The following SUMF1 variants were observed in gnomAD, a reference collection of about 807,000 sequenced individuals.
SUMF1 encodes the protein sulfatase modifying factor 1.
Under a neutral mutation model 47.6 loss-of-function variants are expected in SUMF1, and 48 were observed. The ratio of observed to expected loss-of-function variants is 1.01; its 90% CI spans 0.80 to 1.28. SUMF1 has a LOEUF of 1.28. Among genes scored for constraint, SUMF1 ranks in the 50% most tolerant of loss-of-function variants. The pLI, the probability that SUMF1 is intolerant of heterozygous loss-of-function variation, is 0.00. For missense variants in SUMF1, 571 were observed against 485.4 expected, an observed-to-expected ratio of 1.18 and a Z score of -1.66; for synonymous variants, 230 against 192.1, an observed-to-expected ratio of 1.20 and a Z score of -1.63.
intron 3 of SUMF1, among the ~76,000 whole-genome samples, chr3:4,446,259 GAGC>G (rs1432722116): frequency 5.3e-5 from 8 of 152,160 alleles, no homozygotes; most frequent in South Asian, 2.1e-4. Context: ...TGAATCATGG[GAGC>G]AGGTTTTCCT....
chr3:4,421,706 C>CAGTA (rs1701903106), intron 3 of SUMF1, among the ~76,000 whole-genome samples: 1 of 152,152 alleles, frequency 6.6e-6, no homozygotes, highest in South Asian at 2.1e-4. Flanking sequence ...TGGTCTTGAA[C>CAGTA]TACTGGGCTC....
Position 4,452,915 on chromosome 3 carries a change from T to C in SUMF1, c.405A>G (p.Glu135=), listed in dbSNP as rs2125133620. 1.9e-6 allele frequency: 3 copies of C among 1,614,222 alleles called. No homozygotes were observed. Among genetic ancestry groups the C allele is most frequent in the Non-Finnish European group, 2.5e-6 (3 of 1,180,040 alleles). Residue 135 remains glutamate (E), a synonymous_variant, in exon 2 of 9, where the codon GAA becomes GAG. Transcript: ENST00000272902. ...YMDAYEVSNT[E]FEKFVNSTGY... is the part of the protein sequence containing the mutation. ...CAGTTGAGTTCACAAACTTCTCAAA[T>C]TCAGTATTACTGACTTCATAGGCAT...
At chr3:4,323,036 A>G (rs1698869168) in intron 8 of SUMF1, among the ~76,000 whole-genome samples, 1 of 152,196 alleles carries the variant, frequency 6.6e-6, no homozygotes, top group African/African-American at 2.4e-5. Flanking sequence ...CATACAGTGA[A>G]ATATTATTTA....
intron 2 of SUMF1, 83 bp from the exon 3 acceptor site, chr3:4,449,423 A>G: frequency 7.5e-7 from 1 of 1,327,838 alleles, no homozygotes; most frequent in Non-Finnish European, 1.1e-6. Context: ...CACACTATTA[A>G]AGTGATTCCT....
chr3:4,146,412 G>T (rs76436862), intron 8 of SUMF1, among the ~76,000 whole-genome samples: 225 of 148,936 alleles, frequency 1.5e-3, no homozygotes, highest in African/African-American at 5.4e-3. Context: ...GCGAGGGGGG[G>T]AAAGGTGAAT....
At chr3:4,312,428 A>G (rs770137292) in intron 8 of SUMF1, among the ~76,000 whole-genome samples, 10 of 152,124 alleles carry the variant, frequency 6.6e-5, no homozygotes, top group Non-Finnish European at 1.0e-4. Context: ...TTGTCCTTAT[A>G]CATACATAAT....
At chr3:4,366,653 T>C (rs1699969897) in intron 8 of SUMF1, among the ~76,000 whole-genome samples, 1 of 152,138 alleles carries the variant, frequency 6.6e-6, no homozygotes, top group African/African-American at 2.4e-5. Flanking sequence ...TCTTTGCCTT[T>C]GGTTTGAATT....
At chr3:4,319,020 TC>T (rs1698760380) in intron 8 of SUMF1, among the ~76,000 whole-genome samples, 1 of 152,222 alleles carries the variant, frequency 6.6e-6, no homozygotes. Context: ...GTGCTCAACA[TC>T]ATTTGTCATC....
intron 8 of SUMF1, chr3:4,312,752 C>A: frequency 7.5e-6 from 6 of 799,126 alleles, no homozygotes; most frequent in East Asian, 6.1e-5. Flanking sequence ...TGTTTTTGGA[C>A]AATATCTTAG....
chr3:4,198,150 C>T (rs1695469310), intron 8 of SUMF1, among the ~76,000 whole-genome samples: 2 of 150,944 alleles, frequency 1.3e-5, no homozygotes, highest in Non-Finnish European at 2.9e-5. Flanking sequence ...GTATGTTTCT[C>T]TCCTATTCCT....
intron 1 of SUMF1, among the ~76,000 whole-genome samples, chr3:4,464,946 C>T (rs577126453): frequency 6.6e-6 from 1 of 152,276 alleles, no homozygotes; most frequent in South Asian, 2.1e-4. Flanking sequence ...AGTCAAGACA[C>T]AAAACCACTC....
chr3:4,130,568 G>A (rs143421336), intron 8 of SUMF1, among the ~76,000 whole-genome samples: 1 of 152,244 alleles, frequency 6.6e-6, no homozygotes, highest in East Asian at 1.9e-4. Flanking sequence ...TGAGACATTT[G>A]TGTGCCACAG....
intron 8 of SUMF1, among the ~76,000 whole-genome samples, chr3:4,192,267 A>C (rs1010518504): frequency 2.6e-5 from 4 of 152,052 alleles, no homozygotes; most frequent in Admixed American, 2.0e-4. Flanking sequence ...GTAAGGTTTA[A>C]AGTCCTAAAC....
At chr3:4,443,333 G>C (rs943035843) in intron 3 of SUMF1, among the ~76,000 whole-genome samples, 1 of 151,682 alleles carries the variant, frequency 6.6e-6, no homozygotes, top group African/African-American at 2.4e-5. Flanking sequence ...ATGCAAGAGA[G>C]AACAAAATAA....
chr3:4,164,918 C>A (rs1694663784), intron 8 of SUMF1, among the ~76,000 whole-genome samples: 1 of 152,144 alleles, frequency 6.6e-6, no homozygotes, highest in African/African-American at 2.4e-5. Context: ...GAAGGATTTT[C>A]TTCCTTTCCC....
intron 8 of SUMF1, among the ~76,000 whole-genome samples, chr3:4,168,403 T>C (rs1199108065): frequency 1.3e-5 from 2 of 152,206 alleles, no homozygotes; most frequent in Admixed American, 6.5e-5. Context: ...AATAATGTGA[T>C]GAGAGATGAA....
chr3:4,174,621 C>A (rs145323993), intron 8 of SUMF1, among the ~76,000 whole-genome samples: 13 of 152,074 alleles, frequency 8.5e-5, no homozygotes, highest in Non-Finnish European at 1.8e-4. Context: ...GCATGATCAA[C>A]GCAGAAGACA....
chr3:4,065,205 C>T (rs1286811117), intron 9 of SUMF1, among the ~76,000 whole-genome samples: 1 of 151,512 alleles, frequency 6.6e-6, no homozygotes, highest in Non-Finnish European at 1.5e-5. Flanking sequence ...TTTCAAGATG[C>T]TTTTTCTCAC....
At position 4,169,259 on chromosome 3, in the gene SUMF1, T is replaced by G. The variant is rs375701399; in HGVS notation, c.1015-100514A>C. On this transcript the variant is annotated intron_variant and NMD_transcript_variant, in intron 8 of 12. Coordinates refer to the SUMF1 transcript ENST00000448413. The stretch of plus-strand genomic sequence containing the variant: ...TGAATTGTGTTCCTCAATAAAATGT[T>G]GAAGTCCTAATCCCCAGTATCTATG... 7.0e-4 allele frequency among the ~76,000 whole-genome samples: 106 copies of G among 152,180 alleles called. 2 individuals are homozygous for G. Among genetic ancestry groups the G allele is most frequent in the African/African-American group, 2.4e-3 (98 of 41,456 alleles).
Sources: gnomAD v4.1 joint callset for allele counts (sites outside exome capture counted in the v4.1 genomes callset) on GRCh38, gnomAD v4.1.1 for gene constraint, MANE v1.5 for transcripts, NCBI Gene and HGNC (gene_info 2026-07-23, HGNC 2026-07-21) for gene names.